Variants in SLIT3 observed in about 807,000 individuals in gnomAD.
SLIT3 encodes slit guidance ligand 3.
A neutral mutation model predicts 184.0 loss-of-function variants in SLIT3; 68 were observed. The observed-to-expected ratio is 0.37, with a 90% confidence interval of 0.30 to 0.45. SLIT3 has a LOEUF of 0.45. SLIT3 is among the 20% of genes least tolerant of loss of function. SLIT3 has a pLI of 1.00. For synonymous variants in SLIT3, 831 were observed against 828.6 expected, an observed-to-expected ratio of 1.00 and a Z score of -0.05; for missense variants, 1,707 against 2,026.0, an observed-to-expected ratio of 0.84 and a Z score of 3.02.
chr5:169,106,296 T>A (rs1050383046), intron 4 of SLIT3, among the ~76,000 whole-genome samples: 2 of 152,174 alleles, frequency 1.3e-5, no homozygotes, highest in African/African-American at 4.8e-5. Context: ...AAAATCCCTC[T>A]GGCTGCAGTT....
intron 4 of SLIT3, among the ~76,000 whole-genome samples, chr5:168,924,793 G>A (rs1007891081): frequency 1.8e-4 from 28 of 152,284 alleles, no homozygotes; most frequent in Non-Finnish European, 3.5e-4. Flanking sequence ...GATTACAGGC[G>A]TGAGCCACCG....
At chr5:168,903,696 A>AT (rs1760945820) in intron 4 of SLIT3, among the ~76,000 whole-genome samples, 1 of 152,112 alleles carries the variant, frequency 6.6e-6, no homozygotes, top group Non-Finnish European at 1.5e-5. Context: ...GGCCTTGCCC[A>AT]TCTTGTTCCT....
intron 4 of SLIT3, among the ~76,000 whole-genome samples, chr5:169,142,504 T>G (rs1761781615): frequency 6.6e-6 from 1 of 152,148 alleles, no homozygotes; most frequent in Non-Finnish European, 1.5e-5. Flanking sequence ...CACAGTGAAA[T>G]AGCAAAGCAG....
chr5:168,948,347 A>T (rs1221169352), intron 4 of SLIT3, among the ~76,000 whole-genome samples: 1 of 152,164 alleles, frequency 6.6e-6, no homozygotes. Flanking sequence ...GACTCAGCGA[A>T]GGAAGAGGCT....
intron 4 of SLIT3, among the ~76,000 whole-genome samples, chr5:168,958,340 A>G (rs879434672): frequency 5.3e-5 from 8 of 152,158 alleles, no homozygotes; most frequent in Non-Finnish European, 8.8e-5. Context: ...AGGAAACTGC[A>G]TGGCATTTTG....
chr5:169,091,171 C>T (rs1216419038), intron 4 of SLIT3, among the ~76,000 whole-genome samples: 1 of 152,134 alleles, frequency 6.6e-6, no homozygotes, highest in Non-Finnish European at 1.5e-5. Context: ...TAACTTTGAT[C>T]TCTTATTTCT....
chr5:169,092,138 G>A (rs527461884), intron 4 of SLIT3, among the ~76,000 whole-genome samples: 13 of 152,280 alleles, frequency 8.5e-5, no homozygotes, highest in South Asian at 2.1e-4. Flanking sequence ...CAGGAGAATC[G>A]TTTAAACCCG....
At chr5:168,919,612 G>A (rs1482872587) in intron 4 of SLIT3, among the ~76,000 whole-genome samples, 2 of 151,702 alleles carry the variant, frequency 1.3e-5, no homozygotes, top group South Asian at 2.1e-4. Context: ...GGGAACTGTT[G>A]TATTGTAAAA....
At chr5:168,993,335 G>A (rs1209416666) in intron 4 of SLIT3, among the ~76,000 whole-genome samples, 1 of 152,204 alleles carries the variant, frequency 6.6e-6, no homozygotes, top group Non-Finnish European at 1.5e-5. Context: ...CACATGTCAG[G>A]CTTCACTTGT....
intron 6 of SLIT3, among the ~76,000 whole-genome samples, chr5:168,840,482 G>A (rs1245029907): frequency 6.6e-6 from 1 of 150,696 alleles, no homozygotes; most frequent in Non-Finnish European, 1.5e-5. Flanking sequence ...ACGTTAGTCA[G>A]GGAGGTGCCA....
intron 3 of SLIT3, among the ~76,000 whole-genome samples, chr5:169,226,526 C>T (rs111425577): frequency 5.9e-5 from 9 of 152,286 alleles, no homozygotes; most frequent in Admixed American, 2.6e-4. Context: ...TGGGTGCCTT[C>T]GCCGACATTG....
At chr5:169,207,538 C>T (rs1764116323) in intron 3 of SLIT3, among the ~76,000 whole-genome samples, 1 of 152,112 alleles carries the variant, frequency 6.6e-6, no homozygotes, top group African/African-American at 2.4e-5. Context: ...AGGCAAAGGG[C>T]TCCACATTCA....
chr5:168,973,957 G>T (rs141732075), intron 4 of SLIT3, among the ~76,000 whole-genome samples: 1 of 152,252 alleles, frequency 6.6e-6, no homozygotes, highest in East Asian at 1.9e-4. Flanking sequence ...CCTTGCTAAT[G>T]GAGCTCTCAT....
intron 6 of SLIT3, among the ~76,000 whole-genome samples, chr5:168,830,502 C>A (rs1757846346): frequency 6.6e-6 from 1 of 152,212 alleles, no homozygotes. Context: ...CTCTAATGAG[C>A]TAGACTAGTC....
At chr5:168,818,882 G>T (rs1757428544) in intron 7 of SLIT3, among the ~76,000 whole-genome samples, 2 of 152,350 alleles carry the variant, frequency 1.3e-5, no homozygotes, top group African/African-American at 4.8e-5. Context: ...CGCCGCAGGG[G>T]GCTCCAGATC....
At chr5:168,675,356 C>CA (rs1178878260) in intron 32 of SLIT3, among the ~76,000 whole-genome samples, 1 of 152,050 alleles carries the variant, frequency 6.6e-6, no homozygotes, top group Non-Finnish European at 1.5e-5. Context: ...TCTCAGCAGC[C>CA]AAAAAGGCAA....
intron 4 of SLIT3, among the ~76,000 whole-genome samples, chr5:168,918,185 G>A (rs1170514566): frequency 6.6e-6 from 1 of 151,916 alleles, no homozygotes; most frequent in Non-Finnish European, 1.5e-5. Flanking sequence ...TGAATTAAGG[G>A]AAAAGAGAAC....
chr5:168,670,138 T>C (rs1290031736), intron 34 of SLIT3, 147 bp from the exon 35 acceptor site: 2 of 690,412 alleles, frequency 2.9e-6, no homozygotes, highest in African/African-American at 3.6e-5. Flanking sequence ...AGCATCTCTT[T>C]TCTTAACCAC....
At chr5:168,800,346 G>A (rs1213752847) in intron 9 of SLIT3, among the ~76,000 whole-genome samples, 1 of 152,210 alleles carries the variant, frequency 6.6e-6, no homozygotes, top group African/African-American at 2.4e-5. Context: ...AGCACTTTGG[G>A]AGGCTGAGGC....
Sources: gnomAD v4.1 joint callset for allele counts (sites outside exome capture counted in the v4.1 genomes callset) on GRCh38, gnomAD v4.1.1 for gene constraint, MANE v1.5 for transcripts, NCBI Gene and HGNC (gene_info 2026-07-23, HGNC 2026-07-21) for gene names.